Variants in TOMM70 observed in about 807,000 individuals in gnomAD.
The protein encoded by TOMM70 is mitochondrial import receptor subunit TOM70.
TOMM70 carries 13 observed loss-of-function variants against 73.6 expected under a neutral mutation model. That is an observed-to-expected ratio of 0.18 (90% CI 0.11 to 0.28). The LOEUF (loss-of-function observed/expected upper bound fraction) is 0.28, where lower values mean the gene tolerates loss of function less well. TOMM70 is among the 10% of genes least tolerant of loss of function. The probability of loss-of-function intolerance (pLI) is 1.00; values close to 1 mark genes in which losing one functional copy is unlikely to be tolerated. For synonymous variants in TOMM70, 257 were observed against 271.2 expected, an observed-to-expected ratio of 0.95 and a Z score of 0.51; for missense variants, 609 against 747.5, an observed-to-expected ratio of 0.81 and a Z score of 2.16.
At chr3:100,378,313 G>A (rs1348556144) in intron 5 of TOMM70, among the ~76,000 whole-genome samples, 2 of 151,884 alleles carry the variant, frequency 1.3e-5, no homozygotes, top group Admixed American at 6.6e-5. Context: ...TGGCACACCT[G>A]AGTTAATTAA....
Position 100,386,237 on chromosome 3 carries a change from A to G in TOMM70, c.606T>C (p.Asn202=). ...RRAKAHEKLD[N]KKECLEDVTA... ...CCTCACCTTCTAAACATTCCTTCTT[A>G]TTGTCTAGCTTCTCATGGGCTTTTG... The change falls in exon 3 of 12, where the codon AAT becomes AAC. Residue 202 remains asparagine, a synonymous_variant. Transcript: ENST00000284320. The G allele has an allele frequency of 1.2e-6, 2 of 1,610,908 alleles. No homozygotes were observed. Among genetic ancestry groups the G allele is most frequent in the East Asian group, 2.2e-5 (1 of 44,706 alleles).
At chr3:100,371,351 G>T (rs575129368) in intron 9 of TOMM70, among the ~76,000 whole-genome samples, 1 of 134,162 alleles carries the variant, frequency 7.5e-6, no homozygotes, top group Non-Finnish European at 1.5e-5. Context: ...TGCAACCTCC[G>T]CCTCCTGGGT....
chr3:100,365,641 G>T lies in TOMM70; in HGVS notation c.1750C>A (p.Leu584Met), dbSNP rs1559829087. 4.3e-6 allele frequency: 7 copies of T among 1,614,202 alleles called. No homozygotes were observed. Among genetic ancestry groups the T allele is most frequent in the Non-Finnish European group, 5.9e-6 (7 of 1,180,028 alleles). ...TGGGCGGCATCGCAAAGTGAATACA[G>T]ATGGGCCATCTCCATTTCCGATTTG... is the stretch of plus-strand genomic sequence containing the variant. ...LAKSEMEMAH[L>M]YSLCDAAHAQ... is the part of the protein sequence containing the mutation. Residue 584 changes from leucine to methionine, a missense_variant, in exon 12 of 12, where the codon CTG becomes ATG. Physicochemically the swap from Leu to Met is conservative, Grantham distance 15. Around this residue, in one of 2 missense-constraint regions of TOMM70, gnomAD observed 432 missense variants for 584.1 expected, o/e 0.74. Transcript: ENST00000284320.
chr3:100,376,756 G>T (rs1330249036), intron 6 of TOMM70, among the ~76,000 whole-genome samples: 3 of 152,024 alleles, frequency 2.0e-5, no homozygotes, highest in Non-Finnish European at 4.4e-5. Context: ...ATGGCATATG[G>T]TAGGCATCAT....
At chr3:100,383,467 G>C (rs935229053) in intron 4 of TOMM70, among the ~76,000 whole-genome samples, 2 of 150,674 alleles carry the variant, frequency 1.3e-5, no homozygotes, top group Non-Finnish European at 2.9e-5. Flanking sequence ...AGGTTGCAGT[G>C]AGCCAAGATA....
At position 100,373,588 on chromosome 3, in the gene TOMM70, T is replaced by G; in HGVS notation, c.1285A>C (p.Arg429=). 1 of 1,613,346 alleles carries G rather than the reference T, an allele frequency of 6.2e-7. No individual in the cohort carries two copies. Among genetic ancestry groups the G allele is most frequent in the Non-Finnish European group, 8.5e-7 (1 of 1,179,578 alleles). The change falls in exon 8 of 12, where the codon AGG becomes CGG. Residue 429 remains arginine (R), a synonymous_variant. Coordinates refer to ENST00000284320, the MANE Select transcript of TOMM70 (RefSeq NM_014820.5). ...EAVADFDECI[R]LRPESALAQA... ...GCCAGAGCAGACTCAGGTCTTAACCTAATACATTCATCAAAATCTGCCACT... is the reference window on the plus strand; with the variant it reads ...GCCAGAGCAGACTCAGGTCTTAACCGAATACATTCATCAAAATCTGCCACT...
At chr3:100,390,966 C>T (rs1193011935) in intron 1 of TOMM70, among the ~76,000 whole-genome samples, 2 of 151,426 alleles carry the variant, frequency 1.3e-5, no homozygotes, top group African/African-American at 2.4e-5. Flanking sequence ...GGTGAAACCC[C>T]GTCTCTACTA....
intron 4 of TOMM70, among the ~76,000 whole-genome samples, chr3:100,382,151 A>G (rs931290356): frequency 6.6e-6 from 1 of 152,240 alleles, no homozygotes; most frequent in Non-Finnish European, 1.5e-5. Flanking sequence ...ATTCACAATT[A>G]TGGGAGTATT....
rs185819407 is a variant in TOMM70, at chr3:100,399,577, A to G, written c.324+1049T>C. Among the ~76,000 whole-genome samples the G allele has an allele frequency of 3.5e-4, 53 of 152,340 alleles. 1 individual carries two copies. The highest frequency in any genetic ancestry group is 1.9e-3 in the South Asian group (9 of 4,828). ...AAAAGGATTTAACAGTCAGTTCACCAAAACCATACAAAGCAGTTCACTAAA... is the reference window on the plus strand; with the variant it reads ...AAAAGGATTTAACAGTCAGTTCACCGAAACCATACAAAGCAGTTCACTAAA... On this transcript the variant is annotated intron_variant, in intron 1 of 11. Transcript: ENST00000284320.
intron 8 of TOMM70, among the ~76,000 whole-genome samples, 155 bp downstream of exon 8, chr3:100,373,383 A>C (rs1367555718): frequency 6.6e-6 from 1 of 152,216 alleles, no homozygotes. Flanking sequence ...AGAGAAATAC[A>C]AGAGCTAGGT....
intron 11 of TOMM70, among the ~76,000 whole-genome samples, chr3:100,366,218 C>T (rs761320674): frequency 4.6e-5 from 7 of 152,146 alleles, no homozygotes; most frequent in African/African-American, 7.2e-5. Flanking sequence ...ACCAGCACAT[C>T]CCCAACCCCA....
At chr3:100,397,654 G>A (rs1379992062) in intron 1 of TOMM70, among the ~76,000 whole-genome samples, 1 of 152,202 alleles carries the variant, frequency 6.6e-6, no homozygotes. Flanking sequence ...ACTTTGGGAG[G>A]CCAAGGCGGG....
intron 1 of TOMM70, among the ~76,000 whole-genome samples, chr3:100,399,137 C>A (rs552080010): frequency 6.6e-6 from 1 of 152,044 alleles, no homozygotes; most frequent in East Asian, 1.9e-4. Context: ...CAAAAATTAG[C>A]GGGGCATGGT....
At chr3:100,384,712 A>T (rs1706670411) in intron 3 of TOMM70, 124 bp from the exon 4 acceptor site, 1 of 567,558 alleles carries the variant, frequency 1.8e-6, no homozygotes, top group East Asian at 3.0e-5. Flanking sequence ...GGACTGTTTC[A>T]TTTCCAATTA....
At position 100,365,654 on chromosome 3, in the gene TOMM70, C is replaced by T. The variant is rs747836208; in HGVS notation, c.1737G>A (p.Met579Ile). The change falls in exon 12 of 12, where the codon ATG (methionine) becomes ATA (isoleucine). Residue 579 changes from methionine to isoleucine, a missense_variant. Around this residue, in one of 2 missense-constraint regions of TOMM70, gnomAD observed 432 missense variants for 584.1 expected, o/e 0.74. Transcript: ENST00000284320. Reference protein sequence around the residue: ...NKAINLAKSEMEMAHLYSLCD... With the variant: ...NKAINLAKSEIEMAHLYSLCD... Reference sequence around the variant, plus strand: ...AAAGTGAATACAGATGGGCCATCTCCATTTCCGATTTGGCCAGGTTAATAG... The same window carrying T: ...AAAGTGAATACAGATGGGCCATCTCTATTTCCGATTTGGCCAGGTTAATAG... The T allele has an allele frequency of 2.5e-6, 4 of 1,614,112 alleles. No homozygotes were observed. The highest frequency in any genetic ancestry group is 1.1e-5 in the South Asian group (1 of 91,092).
chr3:100,368,548 C>T (rs1706472773), intron 10 of TOMM70, among the ~76,000 whole-genome samples: 1 of 152,146 alleles, frequency 6.6e-6, no homozygotes, highest in Non-Finnish European at 1.5e-5. Flanking sequence ...AAACCCTTAA[C>T]ACAGAGCAAG....
intron 5 of TOMM70, among the ~76,000 whole-genome samples, chr3:100,381,001 C>T (rs1706627643): frequency 6.6e-6 from 1 of 152,134 alleles, no homozygotes; most frequent in South Asian, 2.1e-4. Context: ...TCAGAGAGGG[C>T]TACCCTTGAC....
At position 100,377,759 on chromosome 3, in the gene TOMM70, A is replaced by G; in HGVS notation, c.1038T>C (p.Asn346=). Residue 346 remains asparagine (N), a synonymous_variant, in exon 6 of 12, where the codon AAT becomes AAC. Transcript: ENST00000284320. Reference sequence around the variant, plus strand: ...CTTTATCTAAATCTGGTTTGGCTGCATTGGCATTGCCAATAAGCAGGTAGA... The same window carrying G: ...CTTTATCTAAATCTGGTTTGGCTGCGTTGGCATTGCCAATAAGCAGGTAGA... ...ATFYLLIGNA[N]AAKPDLDKVI... The G allele has an allele frequency of 1.9e-6, 3 of 1,614,230 alleles. No individual in the cohort carries two copies. Among genetic ancestry groups the G allele is most frequent in the Non-Finnish European group, 2.5e-6 (3 of 1,180,038 alleles).
Position 100,377,835 on chromosome 3 carries a change from A to T in TOMM70, c.962T>A (p.Ile321Lys). ...TGCCATGTATTTGCCTTCAGCATCT[A>T]TTTCTTTTGAGCATTCACTTATGAT... is the stretch of plus-strand genomic sequence containing the variant. ...DKIISECSKEIDAEGKYMAEA... is the reference protein window; with the variant it reads ...DKIISECSKEKDAEGKYMAEA... Residue 321 changes from isoleucine (I) to lysine (K), a missense_variant, in exon 6 of 12, where the codon ATA becomes AAA. By Grantham distance (102) the Ile-to-Lys change is moderately radical. Around this residue, in one of 2 missense-constraint regions of TOMM70, gnomAD observed 432 missense variants for 584.1 expected, o/e 0.74. Transcript: ENST00000284320. The T allele has an allele frequency of 6.2e-7, 1 of 1,614,180 alleles. No individual in the cohort carries two copies. The highest frequency in any genetic ancestry group is 8.5e-7 in the Non-Finnish European group (1 of 1,180,024).
Sources: allele counts gnomAD v4.1 joint callset (sites outside exome capture counted in the v4.1 genomes callset), GRCh38; gene constraint gnomAD v4.1.1; regional missense constraint gnomAD v4.1.1; transcripts MANE v1.5; gene names NCBI Gene and HGNC (gene_info 2026-07-23, HGNC 2026-07-21).